The following ANK3 variants were observed in gnomAD, a reference collection of about 807,000 sequenced individuals.
ANK3 encodes ankyrin-3.
ANK3 carries 57 observed loss-of-function variants against 370.9 expected under a neutral mutation model. The observed-to-expected ratio is 0.15, with a 90% CI of 0.12 to 0.19. The LOEUF (loss-of-function observed/expected upper bound fraction) is 0.19, where lower values mean the gene tolerates loss of function less well. Ranked by LOEUF, ANK3 falls within the 10% of genes least tolerant of loss-of-function variation. ANK3 has a pLI of 1.00. For missense variants in ANK3, 4,439 were observed against 5,302.1 expected (o/e 0.84, Z 5.06); for synonymous variants, 1,929 against 1,946.3 (o/e 0.99, Z 0.23).
chr10:60,146,824 T>C (rs988867007), intron 23 of ANK3, among the ~76,000 whole-genome samples: 4 of 152,194 alleles, frequency 2.6e-5, no homozygotes, highest in Non-Finnish European at 5.9e-5. Context: ...ATTCTCAGCC[T>C]AGAGAATCCA....
At position 60,582,578 on chromosome 10, in the gene ANK3, C is replaced by T. The variant is rs113320949; in HGVS notation, c.96+32608G>A. Among the ~76,000 whole-genome samples the T allele has an allele frequency of 9.1e-3, 1,386 of 151,738 alleles. 26 individuals are homozygous for T. Among genetic ancestry groups the T allele is most frequent in the African/African-American group, 0.031 (1,304 of 41,438 alleles). ...AATGGGACTTCAGGCAGATGTACCA[C>T]CTCAAGGTCACTATGTGGCTCTGGA... On this transcript the variant is annotated intron_variant, in intron 2 of 43. Coordinates refer to the ANK3 transcript ENST00000373827.
chr10:60,572,647 C>A, intron 2 of ANK3: 2 of 1,456,678 alleles, frequency 1.4e-6, no homozygotes, highest in South Asian at 2.9e-5. Flanking sequence ...GCTCCCCAGG[C>A]AAAGCAGCCG....
intron 1 of ANK3, among the ~76,000 whole-genome samples, chr10:60,711,798 A>G (rs1049094886): frequency 1.3e-5 from 2 of 152,190 alleles, no homozygotes; most frequent in Non-Finnish European, 2.9e-5. Flanking sequence ...CAGAAAATCA[A>G]AGATAAACAG....
intron 2 of ANK3, among the ~76,000 whole-genome samples, chr10:60,546,342 G>C (rs1485017005): frequency 1.3e-5 from 2 of 152,154 alleles, no homozygotes; most frequent in African/African-American, 2.4e-5. Flanking sequence ...AGTCTGGATA[G>C]TCTTTTTATA....
chr10:60,711,002 C>G (rs975278199), intron 1 of ANK3, among the ~76,000 whole-genome samples: 1 of 152,210 alleles, frequency 6.6e-6, no homozygotes, highest in Non-Finnish European at 1.5e-5. Flanking sequence ...CTAGGTCTAC[C>G]AATTTAAATG....
intron 15 of ANK3, 126 bp downstream of exon 15, chr10:60,196,401 G>T: frequency 1.1e-6 from 1 of 911,332 alleles, no homozygotes; most frequent in Non-Finnish European, 1.7e-6. Context: ...TATTTCCCAA[G>T]TGCTCTTCAT....
rs866617318 is a variant in ANK3, at chr10:60,064,575, C to T, written c.12320-287G>A. Among the ~76,000 whole-genome samples the T allele has an allele frequency of 1.8e-4, 28 of 152,172 alleles. 1 individual carries two copies. In the Middle Eastern group the frequency reaches 0.014, roughly 74 times the overall value. ...GGGCACAGTGGCCCATACCTATAATCCCAGCACTTCAGGAGGCTGAGGCAG... is the reference window on the plus strand; with the variant it reads ...GGGCACAGTGGCCCATACCTATAATTCCAGCACTTCAGGAGGCTGAGGCAG... On this transcript the variant is annotated intron_variant, in intron 38 of 43. Coordinates refer to ENST00000280772, the MANE Select transcript of ANK3 (RefSeq NM_020987.5).
chr10:60,669,248 G>A (rs2079036585), intron 1 of ANK3, among the ~76,000 whole-genome samples: 1 of 152,206 alleles, frequency 6.6e-6, no homozygotes, highest in Non-Finnish European at 1.5e-5. Flanking sequence ...ACAAATGTCG[G>A]CACAGAAGTG....
rs554198693 is a variant in ANK3 at position 60,675,475 on chromosome 10, CA to C, written c.57+57787del. Among the ~76,000 whole-genome samples, 69 of 152,274 alleles carry C rather than the reference CA, an allele frequency of 4.5e-4. No individual in the cohort carries two copies. In the South Asian group the frequency reaches 0.014, roughly 31 times the overall value. On this transcript the variant is annotated intron_variant, in intron 1 of 43. Coordinates refer to the ANK3 transcript ENST00000373827. Reference sequence around the variant, plus strand: ...ACACAATTTGTCTTCTAAATTTGTGCAAAAGATAGTATAGATCTGTGTTTCT... The same window carrying C: ...ACACAATTTGTCTTCTAAATTTGTGCAAAGATAGTATAGATCTGTGTTTCT...
At chr10:60,081,461 A>G (rs1260748388) in intron 35 of ANK3, 2 of 423,654 alleles carry the variant, frequency 4.7e-6, no homozygotes, top group Non-Finnish European at 9.3e-6. Context: ...TGTGGGATTC[A>G]AAAACCTAAT....
chr10:60,220,385 G>A (rs2097026565), intron 8 of ANK3, among the ~76,000 whole-genome samples: 1 of 152,066 alleles, frequency 6.6e-6, no homozygotes, highest in South Asian at 2.1e-4. Context: ...ACTACTTCAG[G>A]TCATGATGGG....
intron 2 of ANK3, among the ~76,000 whole-genome samples, chr10:60,535,027 C>T (rs1188206019): frequency 6.6e-6 from 1 of 152,114 alleles, no homozygotes; most frequent in Non-Finnish European, 1.5e-5. Flanking sequence ...CATACAACTG[C>T]TGGAAGCAAG....
intron 1 of ANK3, among the ~76,000 whole-genome samples, chr10:60,380,569 C>A (rs555958576): frequency 6.6e-6 from 1 of 152,304 alleles, no homozygotes; most frequent in South Asian, 2.1e-4. Context: ...AGATTCAATA[C>A]AATGATCTAC....
chr10:60,121,423 G>A (rs970804133), intron 25 of ANK3, among the ~76,000 whole-genome samples: 11 of 151,588 alleles, frequency 7.3e-5, no homozygotes, highest in Non-Finnish European at 1.3e-4. Context: ...CAGGGTGCAT[G>A]GCACATGTCT....
intron 2 of ANK3, among the ~76,000 whole-genome samples, chr10:60,433,419 G>A (rs926261219): frequency 3.3e-5 from 5 of 151,994 alleles, no homozygotes; most frequent in African/African-American, 4.8e-5. Context: ...GTGAAACCCC[G>A]TCTCTACTAA....
chr10:60,305,804 G>C (rs1280104225), intron 1 of ANK3, among the ~76,000 whole-genome samples: 1 of 152,180 alleles, frequency 6.6e-6, no homozygotes, highest in Non-Finnish European at 1.5e-5. Flanking sequence ...AGGAGACGGA[G>C]GCAGAAGCTG....
chr10:60,131,505 G>A (rs538387298), intron 25 of ANK3, among the ~76,000 whole-genome samples: 2 of 152,242 alleles, frequency 1.3e-5, no homozygotes, highest in South Asian at 4.1e-4. Context: ...TGTCCACAGA[G>A]GTATTTTTGA....
intron 1 of ANK3, among the ~76,000 whole-genome samples, chr10:60,681,249 A>G (rs2079191383): frequency 6.6e-6 from 1 of 152,120 alleles, no homozygotes; most frequent in East Asian, 1.9e-4. Context: ...TCAGAGTACA[A>G]ATCTTATCAT....
At chr10:60,268,290 A>G (rs2097911354) in intron 5 of ANK3, among the ~76,000 whole-genome samples, 1 of 152,246 alleles carries the variant, frequency 6.6e-6, no homozygotes, top group African/African-American at 2.4e-5. Context: ...TGGGTATAAA[A>G]TAAAAAAATA....
Sources: allele counts gnomAD v4.1 joint callset (sites outside exome capture counted in the v4.1 genomes callset), GRCh38; gene constraint gnomAD v4.1.1; transcripts MANE v1.5; gene names NCBI Gene and HGNC (gene_info 2026-07-23, HGNC 2026-07-21).